The following ANTXR2 variants were observed in gnomAD, a reference collection of about 807,000 sequenced individuals.
The protein encoded by ANTXR2 is ANTXR cell adhesion molecule 2, also known as anthrax toxin receptor 2.
A neutral mutation model predicts 73.7 loss-of-function variants in ANTXR2; 44 were observed. That is an observed-to-expected ratio of 0.60 (90% CI 0.47 to 0.77). The LOEUF (loss-of-function observed/expected upper bound fraction) is 0.77. Ranked by LOEUF, ANTXR2 falls within the 30% of genes least tolerant of loss-of-function variation. The pLI is 0.00. For synonymous variants in ANTXR2, 217 were observed against 205.9 expected, an observed-to-expected ratio of 1.05 and a Z score of -0.46; for missense variants, 604 against 592.5, an observed-to-expected ratio of 1.02 and a Z score of -0.20.
intron 8 of ANTXR2, 56 bp downstream of exon 8, chr4:80,035,916 T>G: frequency 4.3e-6 from 6 of 1,400,430 alleles, no homozygotes; most frequent in Non-Finnish European, 4.9e-6. Flanking sequence ...TCATATATTT[T>G]AGCTAGGAAA....
At chr4:80,048,585 C>A (rs188800371) in intron 7 of ANTXR2, among the ~76,000 whole-genome samples, 91 of 151,792 alleles carry the variant, frequency 6.0e-4, no homozygotes, top group Admixed American at 1.1e-3. Flanking sequence ...GTTTTCACAA[C>A]TAAGTGGTCA....
intron 12 of ANTXR2, among the ~76,000 whole-genome samples, chr4:80,004,524 T>C (rs1048568023): frequency 6.6e-6 from 1 of 152,080 alleles, no homozygotes; most frequent in Admixed American, 6.6e-5. Flanking sequence ...TTCTTGCCTC[T>C]TCCAGCTTCT....
intron 11 of ANTXR2, among the ~76,000 whole-genome samples, chr4:80,010,294 T>C (rs1282864426): frequency 6.6e-6 from 1 of 152,168 alleles, no homozygotes; most frequent in East Asian, 1.9e-4. Flanking sequence ...GGAAAAAGGA[T>C]GTCATAGAAA....
chr4:79,954,658 G>T (rs1014039868), intron 16 of ANTXR2, among the ~76,000 whole-genome samples: 1 of 152,024 alleles, frequency 6.6e-6, no homozygotes, highest in South Asian at 2.1e-4. Flanking sequence ...TCAGGATTTT[G>T]TTCTATTTAT....
intron 14 of ANTXR2, among the ~76,000 whole-genome samples, chr4:79,980,912 T>C (rs1729857392): frequency 8.1e-6 from 1 of 123,124 alleles, no homozygotes; most frequent in Non-Finnish European, 1.7e-5. Context: ...TTTCCTAGTT[T>C]AAGGGCTTTA....
chr4:80,001,415 A>G (rs1158461973), intron 12 of ANTXR2, among the ~76,000 whole-genome samples: 2 of 150,600 alleles, frequency 1.3e-5, no homozygotes, highest in African/African-American at 2.4e-5. Context: ...AACTATCACA[A>G]GAACAAAAAA....
At chr4:79,965,752 T>C (rs886579783) in intron 16 of ANTXR2, among the ~76,000 whole-genome samples, 2 of 152,200 alleles carry the variant, frequency 1.3e-5, no homozygotes, top group African/African-American at 4.8e-5. Context: ...AGTGAACTTT[T>C]TGCTATGCAT....
intron 12 of ANTXR2, among the ~76,000 whole-genome samples, chr4:80,003,704 C>T (rs1362717692): frequency 3.3e-5 from 5 of 151,952 alleles, no homozygotes; most frequent in Admixed American, 6.6e-5. Flanking sequence ...ATTAAAACCA[C>T]GATGAGATAT....
At chr4:80,007,470 T>C (rs1731359541) in intron 12 of ANTXR2, among the ~76,000 whole-genome samples, 1 of 152,190 alleles carries the variant, frequency 6.6e-6, no homozygotes, top group Non-Finnish European at 1.5e-5. Context: ...CCCACCAACA[T>C]CTCCATAACT....
chr4:79,934,005 TG>T (rs1728163386), intron 16 of ANTXR2, among the ~76,000 whole-genome samples: 1 of 152,114 alleles, frequency 6.6e-6, no homozygotes, highest in Non-Finnish European at 1.5e-5. Context: ...CCCAAAGTGC[TG>T]GGATTGCAGG....
chr4:79,983,427 T>TA (rs1729971514), intron 14 of ANTXR2, among the ~76,000 whole-genome samples: 1 of 152,136 alleles, frequency 6.6e-6, no homozygotes, highest in Admixed American at 6.5e-5. Flanking sequence ...GCAACTAACA[T>TA]AAAGTATTAA....
intron 16 of ANTXR2, among the ~76,000 whole-genome samples, chr4:79,948,844 G>C (rs1728603695): frequency 6.6e-6 from 1 of 152,152 alleles, no homozygotes. Context: ...AGGTAACCTA[G>C]ATCTTTGAAT....
At chr4:80,026,913 A>G (rs528771886) in intron 10 of ANTXR2, among the ~76,000 whole-genome samples, 1 of 152,292 alleles carries the variant, frequency 6.6e-6, no homozygotes, top group Non-Finnish European at 1.5e-5. Flanking sequence ...TATAATACTT[A>G]GGATGAAGAG....
At chr4:80,038,007 TTTAG>T (rs959299531) in intron 7 of ANTXR2, among the ~76,000 whole-genome samples, 4 of 152,144 alleles carry the variant, frequency 2.6e-5, no homozygotes, top group African/African-American at 9.6e-5. Context: ...TTATAATCTC[TTTAG>T]TTATTTAGCC....
chr4:80,004,895 A>G (rs949447962), intron 12 of ANTXR2, among the ~76,000 whole-genome samples: 1 of 152,022 alleles, frequency 6.6e-6, no homozygotes, highest in Non-Finnish European at 1.5e-5. Flanking sequence ...CCACCATTGG[A>G]AACCTGACAG....
chr4:80,064,179 A>AT lies in ANTXR2; in HGVS notation c.296+5256dup, dbSNP rs763302517. ...TTTCCTACAAGTTTGCCTACGGAAG[A>AT]TTTTTTTCCCCAAGTAATTGATTAT... On this transcript the variant is annotated intron_variant, in intron 3 of 16. Coordinates refer to ENST00000403729, the MANE Select transcript of ANTXR2 (RefSeq NM_058172.6). Among the ~76,000 whole-genome samples the AT allele has an allele frequency of 7.2e-5, 11 of 152,274 alleles. No individual in the cohort carries two copies. The East Asian group carries it at 7.7e-4, about 11-fold the overall frequency.
In ANTXR2 at chr4:79,904,517, G is replaced by A. The variant is rs1317362777; in HGVS notation, c.*2912C>T. The A allele has an allele frequency of 6.6e-6, 1 of 151,920 alleles. No individual in the cohort carries two copies. Among genetic ancestry groups the A allele is most frequent in the Non-Finnish European group, 1.5e-5 (1 of 67,948 alleles). 9.4% of individuals were successfully genotyped at this position (151,920 alleles called of 1,614,324 possible). On this transcript the variant is annotated 3_prime_UTR_variant, in exon 17 of 17. Transcript: ENST00000403729. ...TCTTAGCACCAAATGTTTTTTCTTG[G>A]AGCACCAAATGCTCTAAGGAAAACA... is the stretch of plus-strand genomic sequence containing the variant.
Position 79,996,318 on chromosome 4 carries a change from TATGG to T in ANTXR2, c.1042-11459_1042-11456del, listed in dbSNP as rs141810972. Among the ~76,000 whole-genome samples, 685 of 148,866 alleles carry T rather than the reference TATGG, an allele frequency of 4.6e-3. 2 individuals carry two copies. Among genetic ancestry groups the T allele is most frequent in the Non-Finnish European group, 4.6e-3 (309 of 66,822 alleles). ...GGATGGGTAGATGGACGGATGGATA[TATGG>T]ATGGATGGATGGATGGATGGATGGA... is the stretch of plus-strand genomic sequence containing the variant. On this transcript the variant is annotated intron_variant, in intron 12 of 16. Coordinates refer to ENST00000403729, the MANE Select transcript of ANTXR2 (RefSeq NM_058172.6).
chr4:79,919,896 TATATATATATATATATATATATATAAAA>T (rs1727517633), intron 16 of ANTXR2, among the ~76,000 whole-genome samples: 4 of 16,376 alleles, frequency 2.4e-4, no homozygotes, highest in African/African-American at 1.1e-3. Context: ...TATATATATA[TATATATATATATATATATATATATAAAA>T]AATGATAGGG....
Sources: gnomAD v4.1 joint callset for allele counts (sites outside exome capture counted in the v4.1 genomes callset) on GRCh38, gnomAD v4.1.1 for gene constraint, MANE v1.5 for transcripts, NCBI Gene and HGNC (gene_info 2026-07-23, HGNC 2026-07-21) for gene names.